Variants in UNC5D observed in about 807,000 individuals in gnomAD.
The protein encoded by UNC5D is netrin receptor UNC5D.
In UNC5D, 39 loss-of-function variants were observed where a neutral mutation model predicts 105.4. That is an observed-to-expected ratio of 0.37 (90% confidence interval 0.29 to 0.48). UNC5D has a LOEUF of 0.48. UNC5D is among the 20% of genes least tolerant of loss of function. The pLI is 0.98. For synonymous variants in UNC5D, 452 were observed against 450.4 expected, an observed-to-expected ratio of 1.00 and a Z score of -0.04; for missense variants, 991 against 1,202.4, an observed-to-expected ratio of 0.82 and a Z score of 2.60.
intron 1 of UNC5D, among the ~76,000 whole-genome samples, chr8:35,265,465 A>C (rs1188268390): frequency 2.0e-5 from 3 of 152,208 alleles, no homozygotes; most frequent in African/African-American, 7.2e-5. Context: ...GACTGTCACT[A>C]GGTTCCAATA....
At chr8:35,252,863 T>C (rs775132494) in intron 1 of UNC5D, among the ~76,000 whole-genome samples, 23 of 152,350 alleles carry the variant, frequency 1.5e-4, no homozygotes, top group Non-Finnish European at 3.1e-4. Flanking sequence ...CCCATCATTT[T>C]ATATTTGTCA....
At chr8:35,549,019 C>T (rs1319688521) in intron 1 of UNC5D, among the ~76,000 whole-genome samples, 2 of 152,302 alleles carry the variant, frequency 1.3e-5, no homozygotes, top group Non-Finnish European at 1.5e-5. Flanking sequence ...TCTGCAAAGA[C>T]GCTCGGATTC....
At chr8:35,684,340 ATTTC>A (rs1825866198) in intron 5 of UNC5D, among the ~76,000 whole-genome samples, 1 of 152,048 alleles carries the variant, frequency 6.6e-6, no homozygotes, top group East Asian at 1.9e-4. Flanking sequence ...AGTTCTTTCT[ATTTC>A]TTATAATTTC....
At chr8:35,568,039 T>C in intron 2 of UNC5D, 59 bp from the exon 3 acceptor site, 6 of 1,588,766 alleles carry the variant, frequency 3.8e-6, no homozygotes, top group Non-Finnish European at 5.1e-6. Flanking sequence ...AACCTTAACT[T>C]TCTGTTTGAG....
At chr8:35,541,607 G>A (rs1033656369) in intron 1 of UNC5D, among the ~76,000 whole-genome samples, 1 of 152,302 alleles carries the variant, frequency 6.6e-6, no homozygotes. Flanking sequence ...ACTGTGATGA[G>A]GGGTAATCTT....
At chr8:35,745,348 T>G (rs1829948663) in intron 11 of UNC5D, among the ~76,000 whole-genome samples, 1 of 152,088 alleles carries the variant, frequency 6.6e-6, no homozygotes, top group African/African-American at 2.4e-5. Context: ...CACTCCAGAG[T>G]ACGAATTGTA....
chr8:35,459,264 G>A (rs1585891359), intron 1 of UNC5D, among the ~76,000 whole-genome samples: 1 of 152,112 alleles, frequency 6.6e-6, no homozygotes, highest in Non-Finnish European at 1.5e-5. Flanking sequence ...TTACTCATTT[G>A]GGGTGGCTTG....
chr8:35,692,891 A>G (rs1230062622), intron 7 of UNC5D, among the ~76,000 whole-genome samples: 4 of 152,246 alleles, frequency 2.6e-5, no homozygotes, highest in Non-Finnish European at 5.9e-5. Context: ...GCCTTTCTGC[A>G]TAACAATTGA....
At chr8:35,540,274 A>T (rs536321943) in intron 1 of UNC5D, among the ~76,000 whole-genome samples, 1 of 152,302 alleles carries the variant, frequency 6.6e-6, no homozygotes, top group Non-Finnish European at 1.5e-5. Context: ...AAAATGAATA[A>T]TTGTTATAAA....
chr8:35,793,361 G>A lies in UNC5D; in HGVS notation c.*2798G>A, dbSNP rs1209214437. The A allele has an allele frequency of 4.2e-6, 1 of 239,480 alleles. No homozygotes were observed. The highest frequency in any genetic ancestry group is 8.5e-6 in the Non-Finnish European group (1 of 117,990). 14.8% of individuals were successfully genotyped at this position (239,480 alleles called of 1,614,324 possible). A position where few individuals can be genotyped will look rare whatever the true frequency, so the allele number is the denominator to read the frequency against. ...CCTAAATTTAGTCCTATTGTAATATGTGCCTGTCACAACACAAATACCCCT... is the reference window on the plus strand; with the variant it reads ...CCTAAATTTAGTCCTATTGTAATATATGCCTGTCACAACACAAATACCCCT... On this transcript the variant is annotated 3_prime_UTR_variant, in exon 17 of 17. Transcript: ENST00000404895.
intron 1 of UNC5D, among the ~76,000 whole-genome samples, chr8:35,382,475 T>C (rs965215724): frequency 7.9e-5 from 12 of 152,334 alleles, no homozygotes; most frequent in African/African-American, 2.6e-4. Flanking sequence ...TATTTTTTTA[T>C]TTTAAAAAAT....
chr8:35,298,160 C>T (rs545043508), intron 1 of UNC5D, among the ~76,000 whole-genome samples: 1 of 151,810 alleles, frequency 6.6e-6, no homozygotes, highest in Middle Eastern at 3.4e-3. Flanking sequence ...TCCCAATGAT[C>T]TGGACTCTGC....
chr8:35,618,094 C>A (rs1821141386), intron 4 of UNC5D, among the ~76,000 whole-genome samples: 1 of 152,170 alleles, frequency 6.6e-6, no homozygotes, highest in Non-Finnish European at 1.5e-5. Flanking sequence ...ATTTGGAGAT[C>A]ACCTTCTAGA....
At chr8:35,701,033 C>T (rs2131422360) in intron 7 of UNC5D, among the ~76,000 whole-genome samples, 1 of 152,234 alleles carries the variant, frequency 6.6e-6, no homozygotes, top group Middle Eastern at 3.4e-3. Context: ...GGTTTCAAAG[C>T]ATATGATTTA....
At chr8:35,408,323 A>AT (rs1435801568) in intron 1 of UNC5D, among the ~76,000 whole-genome samples, 1 of 150,954 alleles carries the variant, frequency 6.6e-6, no homozygotes, top group Admixed American at 6.6e-5. Context: ...TTTTTTATTT[A>AT]TTTTTTTGGT....
chr8:35,258,845 C>T (rs905635610), intron 1 of UNC5D, among the ~76,000 whole-genome samples: 17 of 152,136 alleles, frequency 1.1e-4, no homozygotes, highest in East Asian at 3.9e-4. Flanking sequence ...AAGAGCCTCC[C>T]GAATCTTTGA....
At chr8:35,462,214 T>A (rs1285999447) in intron 1 of UNC5D, among the ~76,000 whole-genome samples, 1 of 152,148 alleles carries the variant, frequency 6.6e-6, no homozygotes, top group Non-Finnish European at 1.5e-5. Context: ...AGCAATCTCT[T>A]TTAAAGGTTT....
chr8:35,738,105 G>A (rs998396730), intron 11 of UNC5D, among the ~76,000 whole-genome samples: 3 of 137,398 alleles, frequency 2.2e-5, no homozygotes, highest in South Asian at 2.4e-4. Flanking sequence ...AAACTGTCTC[G>A]AAAAGAAAAG....
At chr8:35,559,980 A>G (rs1460540222) in intron 2 of UNC5D, among the ~76,000 whole-genome samples, 1 of 152,260 alleles carries the variant, frequency 6.6e-6, no homozygotes, top group Non-Finnish European at 1.5e-5. Flanking sequence ...GTACATGCAG[A>G]GCAATTAGTC....
Sources: gnomAD v4.1 joint callset for allele counts (sites outside exome capture counted in the v4.1 genomes callset) on GRCh38, gnomAD v4.1.1 for gene constraint, MANE v1.5 for transcripts, NCBI Gene and HGNC (gene_info 2026-07-23, HGNC 2026-07-21) for gene names.